Variants in MSH3 observed in about 807,000 individuals in gnomAD.
MSH3 encodes the protein DNA mismatch repair protein Msh3.
MSH3 carries 106 observed loss-of-function variants against 123.3 expected under a neutral mutation model. That is an observed-to-expected ratio of 0.86 (90% CI 0.73 to 1.01). The LOEUF is 1.01. Ranked by LOEUF, MSH3 falls within the 50% of genes least tolerant of loss-of-function variation. The probability of loss-of-function intolerance (pLI) is 0.00; values close to 1 mark genes in which losing one functional copy is unlikely to be tolerated. For synonymous variants in MSH3, 515 were observed against 481.4 expected, an observed-to-expected ratio of 1.07 and a Z score of -0.91; for missense variants, 1,459 against 1,347.6, an observed-to-expected ratio of 1.08 and a Z score of -1.29.
chr5:80,699,245 T>G (rs1750552454), intron 8 of MSH3, among the ~76,000 whole-genome samples: 1 of 152,180 alleles, frequency 6.6e-6, no homozygotes, highest in Non-Finnish European at 1.5e-5. Context: ...AAAACTGATT[T>G]GGGTTTTTTA....
intron 8 of MSH3, among the ~76,000 whole-genome samples, chr5:80,717,217 G>A (rs190708729): frequency 6.6e-6 from 1 of 152,238 alleles, no homozygotes; most frequent in Admixed American, 6.5e-5. Flanking sequence ...TCCTTTGAAT[G>A]TATACCCAGT....
At chr5:80,764,208 G>T (rs1308410797) in intron 13 of MSH3, among the ~76,000 whole-genome samples, 1 of 152,224 alleles carries the variant, frequency 6.6e-6, no homozygotes, top group Non-Finnish European at 1.5e-5. Context: ...TGCCAATTAT[G>T]TGAAATTCAT....
At chr5:80,714,045 A>G (rs1265133252) in intron 8 of MSH3, among the ~76,000 whole-genome samples, 2 of 152,108 alleles carry the variant, frequency 1.3e-5, no homozygotes, top group Non-Finnish European at 2.9e-5. Context: ...GTTACATATG[A>G]AAAGGTTAAA....
intron 8 of MSH3, among the ~76,000 whole-genome samples, chr5:80,693,506 T>TATGCACATGTATATGTTTAG (rs1750385466): frequency 9.8e-6 from 1 of 102,142 alleles, no homozygotes; most frequent in Non-Finnish European, 2.4e-5. Flanking sequence ...TATATGTTTA[T>TATGCACATGTATATGTTTAG]ATAAATATGC....
chr5:80,712,098 T>C (rs1329427460), intron 8 of MSH3, among the ~76,000 whole-genome samples: 2 of 152,206 alleles, frequency 1.3e-5, no homozygotes, highest in East Asian at 1.9e-4. Context: ...CTCTGCTCTT[T>C]CCTCTCCTCC....
At chr5:80,672,473 T>C in intron 5 of MSH3, 113 bp downstream of exon 5, 1 of 808,638 alleles carries the variant, frequency 1.2e-6, no homozygotes, top group Non-Finnish European at 2.1e-6. Context: ...ATTTTGCATT[T>C]TACAGAACTG....
intron 15 of MSH3, among the ~76,000 whole-genome samples, chr5:80,772,779 AG>A (rs1336066797): frequency 6.6e-6 from 1 of 152,196 alleles, no homozygotes; most frequent in Non-Finnish European, 1.5e-5. Context: ...TCTTATTGTC[AG>A]TATAGAAGAG....
chr5:80,658,636 C>T (rs1275918576), intron 2 of MSH3, among the ~76,000 whole-genome samples: 2 of 152,144 alleles, frequency 1.3e-5, no homozygotes, highest in African/African-American at 4.8e-5. Context: ...CTCTGTCATC[C>T]AGGCTGGAGT....
chr5:80,864,394 A>G (rs1161825885), intron 21 of MSH3, among the ~76,000 whole-genome samples: 1 of 152,342 alleles, frequency 6.6e-6, no homozygotes, highest in East Asian at 1.9e-4. Flanking sequence ...AAGACAAAAA[A>G]GGAAAGAGAC....
Position 80,864,849 on chromosome 5 carries a change from C to T in MSH3, c.3037C>T (p.Pro1013Ser). 1 of 1,613,074 alleles carries T rather than the reference C, an allele frequency of 6.2e-7. No individual in the cohort carries two copies. Among genetic ancestry groups the T allele is most frequent in the Non-Finnish European group, 8.5e-7 (1 of 1,179,100 alleles). Residue 1013 changes from proline to serine, a missense_variant, in exon 22 of 24, where the codon CCA (proline) becomes TCA (serine). Physicochemically the swap from Pro to Ser is moderately conservative, Grantham distance 74. Transcript: ENST00000265081. ...SLTLFVTHYPPVCELEKNYSH... is the reference protein window; with the variant it reads ...SLTLFVTHYPSVCELEKNYSH... Reference sequence around the variant, plus strand: ...AACCCTGTTTGTCACCCATTATCCGCCAGTTTGTGAACTAGAAAAAAATTA... The same window carrying T: ...AACCCTGTTTGTCACCCATTATCCGTCAGTTTGTGAACTAGAAAAAAATTA...
At chr5:80,732,254 T>C (rs1743425330) in intron 10 of MSH3, among the ~76,000 whole-genome samples, 1 of 152,232 alleles carries the variant, frequency 6.6e-6, no homozygotes, top group Non-Finnish European at 1.5e-5. Context: ...TAGAAATGAA[T>C]GCTTTTGTCA....
intron 19 of MSH3, among the ~76,000 whole-genome samples, chr5:80,809,633 A>G (rs1435432437): frequency 3.3e-5 from 5 of 152,196 alleles, no homozygotes; most frequent in African/African-American, 1.2e-4. Flanking sequence ...GTCACAGTTC[A>G]GGGAGCCTTG....
intron 7 of MSH3, among the ~76,000 whole-genome samples, chr5:80,677,969 A>G (rs1420499141): frequency 6.6e-6 from 1 of 152,206 alleles, no homozygotes; most frequent in African/African-American, 2.4e-5. Flanking sequence ...TATCGTATAC[A>G]AATGCCTGAG....
chr5:80,782,948 G>C (rs1580048573), intron 17 of MSH3, among the ~76,000 whole-genome samples: 1 of 152,148 alleles, frequency 6.6e-6, no homozygotes, highest in African/African-American at 2.4e-5. Flanking sequence ...CACTGCTGTG[G>C]ATTAAATCCT....
intron 18 of MSH3, among the ~76,000 whole-genome samples, chr5:80,789,541 T>C (rs1409906746): frequency 6.6e-6 from 1 of 152,144 alleles, no homozygotes; most frequent in Non-Finnish European, 1.5e-5. Context: ...TGGCTAATTT[T>C]CATATTTTTG....
In MSH3 at chr5:80,846,388, C is replaced by A. The variant is rs577417410; in HGVS notation, c.2814-7742C>A. 2.0e-5 allele frequency among the ~76,000 whole-genome samples: 3 copies of A among 152,066 alleles called. No individual in the cohort carries two copies. The South Asian group carries it at 6.3e-4, about 32-fold the overall frequency. ...GGACCCGCTTGAGGAGGTAGTCTGT[C>A]CCTTCTCGGAGGTCGAATGCCATGC... On this transcript the variant is annotated intron_variant, in intron 20 of 23. Transcript: ENST00000265081.
intron 23 of MSH3, among the ~76,000 whole-genome samples, chr5:80,875,394 T>G (rs746346537): frequency 2.0e-5 from 3 of 152,202 alleles, no homozygotes; most frequent in Non-Finnish European, 4.4e-5. Flanking sequence ...GGTGTTACTT[T>G]TCATCCTGGG....
At chr5:80,746,692 G>A (rs1244663412) in intron 12 of MSH3, 1 of 342,954 alleles carries the variant, frequency 2.9e-6, no homozygotes, top group African/African-American at 2.2e-5. Flanking sequence ...TTTGGTAGAG[G>A]AGCTGGGTCG....
At chr5:80,708,549 C>A (rs910516872) in intron 8 of MSH3, among the ~76,000 whole-genome samples, 3 of 152,034 alleles carry the variant, frequency 2.0e-5, no homozygotes, top group Admixed American at 6.5e-5. Flanking sequence ...CCTTGAACTC[C>A]TGGGCCCAAG....
Sources: gnomAD v4.1 joint callset for allele counts (sites outside exome capture counted in the v4.1 genomes callset) on GRCh38, gnomAD v4.1.1 for gene constraint, MANE v1.5 for transcripts, NCBI Gene and HGNC (gene_info 2026-07-23, HGNC 2026-07-21) for gene names.